Variants in ABCC9 observed in about 807,000 individuals in gnomAD.
ABCC9 encodes the protein ATP-binding cassette sub-family C member 9.
A neutral mutation model predicts 188.3 loss-of-function variants in ABCC9; 95 were observed. The ratio of observed to expected loss-of-function variants is 0.50; its 90% CI spans 0.43 to 0.60. The LOEUF (loss-of-function observed/expected upper bound fraction) is 0.60. ABCC9 is among the 20% of genes least tolerant of loss of function. The pLI, the probability that ABCC9 is intolerant of heterozygous loss-of-function variation, is 0.00. For synonymous variants in ABCC9, 659 were observed against 652.7 expected, an observed-to-expected ratio of 1.01 and a Z score of -0.15; for missense variants, 1,102 against 1,876.3, an observed-to-expected ratio of 0.59 and a Z score of 7.62.
At chr12:21,909,902 C>T (rs749670373) in intron 10 of ABCC9, among the ~76,000 whole-genome samples, 15 of 151,850 alleles carry the variant, frequency 9.9e-5, no homozygotes, top group Non-Finnish European at 2.1e-4. Context: ...GTTAAGAAAA[C>T]TAGGGCTTTG....
intron 12 of ABCC9, among the ~76,000 whole-genome samples, chr12:21,904,368 G>A (rs1340363216): frequency 2.0e-5 from 3 of 152,134 alleles, no homozygotes; most frequent in Non-Finnish European, 4.4e-5. Context: ...ATTGGCATGG[G>A]CAAGGACTTC....
intron 9 of ABCC9, 65 bp downstream of exon 9, chr12:21,910,757 CGCTA>C: frequency 7.1e-7 from 1 of 1,412,252 alleles, no homozygotes; most frequent in Non-Finnish European, 9.9e-7. Flanking sequence ...CTGAAGCTAC[CGCTA>C]TTCTTTTCAC....
intron 15 of ABCC9, among the ~76,000 whole-genome samples, chr12:21,885,329 G>A (rs2137673090): frequency 6.6e-6 from 1 of 152,292 alleles, no homozygotes; most frequent in African/African-American, 2.4e-5. Context: ...ACATCAAGAA[G>A]TCCAGTCTGG....
intron 15 of ABCC9, among the ~76,000 whole-genome samples, chr12:21,886,324 C>T (rs940987782): frequency 1.2e-4 from 19 of 152,052 alleles, no homozygotes; most frequent in Non-Finnish European, 2.5e-4. Context: ...ATCATCTACC[C>T]AGAAGTCAAG....
chr12:21,923,493 C>T, intron 5 of ABCC9: 1 of 214,656 alleles, frequency 4.7e-6, no homozygotes, highest in East Asian at 9.5e-5. Flanking sequence ...ATAGCCACAT[C>T]CCAAAGATTA....
chr12:21,872,565 T>G (rs1946134197), intron 18 of ABCC9, 60 bp downstream of exon 18: 3 of 1,309,328 alleles, frequency 2.3e-6, no homozygotes, highest in Middle Eastern at 1.8e-4. Flanking sequence ...CTAAGTTCTT[T>G]CCTTGGAAGA....
rs1449985787 is a variant in ABCC9 at position 21,797,789 on chromosome 12, C to T, written c.*3255G>A. On this transcript the variant is annotated 3_prime_UTR_variant, in exon 40 of 40. Coordinates refer to ENST00000261200, the MANE Select transcript of ABCC9 (RefSeq NM_020297.4). Reference sequence around the variant, plus strand: ...TAATTGTTTATACAAAGTCTTTTCCCTGTCAATGACATAAGTAACCCTGGT... The same window carrying T: ...TAATTGTTTATACAAAGTCTTTTCCTTGTCAATGACATAAGTAACCCTGGT... 1 of 152,132 alleles carries T rather than the reference C, an allele frequency of 6.6e-6. No individual in the cohort carries two copies. Among genetic ancestry groups the T allele is most frequent in the Non-Finnish European group, 1.5e-5 (1 of 68,028 alleles). 9.4% of individuals were successfully genotyped at this position (152,132 alleles called of 1,614,324 possible).
At chr12:21,828,824 G>T in intron 31 of ABCC9, 134 bp downstream of exon 31, 2 of 764,878 alleles carry the variant, frequency 2.6e-6, no homozygotes, top group Non-Finnish European at 2.3e-6. Flanking sequence ...ACAAACCTGA[G>T]CTATTTTAAA....
At chr12:21,914,900 CTTTTT>C (rs377103461) in intron 7 of ABCC9, among the ~76,000 whole-genome samples, 3 of 134,998 alleles carry the variant, frequency 2.2e-5, no homozygotes, top group African/African-American at 2.7e-5. Flanking sequence ...GCTTTGTGTC[CTTTTT>C]TTTTTTTTTT....
In ABCC9 at chr12:21,797,995, T is replaced by C. The variant is rs187601904; in HGVS notation, c.*3049A>G. 43 of 152,332 alleles carry C rather than the reference T, an allele frequency of 2.8e-4. No individual in the cohort carries two copies. In the East Asian group the frequency reaches 7.3e-3, roughly 26 times the overall value. The allele number at this position is 152,332 out of a possible 1,614,324, so 9.4% of individuals were successfully genotyped here. ...AATATTATTTCAAGGTGAATCTTTT[T>C]ATATTCAATAGATTATATGTATAAT... On this transcript the variant is annotated 3_prime_UTR_variant, in exon 40 of 40. Transcript: ENST00000261200.
At chr12:21,906,941 A>G (rs1230475408) in intron 11 of ABCC9, among the ~76,000 whole-genome samples, 4 of 152,092 alleles carry the variant, frequency 2.6e-5, no homozygotes. Context: ...CATTTTAGCC[A>G]GCTGTTTCAG....
intron 25 of ABCC9, among the ~76,000 whole-genome samples, chr12:21,846,405 G>T (rs1944672720): frequency 6.6e-6 from 1 of 152,186 alleles, no homozygotes; most frequent in African/African-American, 2.4e-5. Flanking sequence ...CACTGCTAAA[G>T]CAGGCTTTGC....
chr12:21,853,435 G>C (rs704185), intron 22 of ABCC9, among the ~76,000 whole-genome samples: 92,291 of 151,878 alleles, frequency 0.61, 28,540 homozygotes, highest in East Asian at 0.73. Flanking sequence ...TAGTATGGTA[G>C]TGGGTATATA....
Position 21,839,772 on chromosome 12 carries a change from T to C in ABCC9, c.3474-1602A>G, listed in dbSNP as rs577689761. Among the ~76,000 whole-genome samples, 7 of 152,336 alleles carry C rather than the reference T, an allele frequency of 4.6e-5. No individual in the cohort carries two copies. The South Asian group carries it at 1.0e-3, about 23-fold the overall frequency. ...TCCATAATCTTCAACAATTAACTTA[T>C]GCCATTCCTGGCTGCCAGTGTAGTC... On this transcript the variant is annotated intron_variant, in intron 29 of 39. Coordinates refer to ENST00000261200, the MANE Select transcript of ABCC9 (RefSeq NM_020297.4).
At chr12:21,850,610 G>T (rs4148674) in intron 24 of ABCC9, among the ~76,000 whole-genome samples, 2 of 151,904 alleles carry the variant, frequency 1.3e-5, no homozygotes, top group Admixed American at 1.3e-4. Context: ...ACAACTTAAT[G>T]GACTTTCTTC....
chr12:21,852,171 T>C lies in ABCC9; in HGVS notation c.2695A>G (p.Ile899Val). 1 of 1,613,822 alleles carries C rather than the reference T, an allele frequency of 6.2e-7. No individual in the cohort carries two copies. Among genetic ancestry groups the C allele is most frequent in the Non-Finnish European group, 8.5e-7 (1 of 1,179,892 alleles). ...SVLREGTLKD[I>V]QTKDVELYEH... ...TAAAGCTCAACATCTTTGGTTTGAA[T>C]GTCCTTCAAAGTTCCTTCTCTTAGG... is the stretch of plus-strand genomic sequence containing the variant. Residue 899 changes from isoleucine (I) to valine (V), a missense_variant, in exon 24 of 40, where the codon ATT becomes GTT. Around this residue, in one of 12 missense-constraint regions of ABCC9, gnomAD observed 131 missense variants for 170.2 expected, o/e 0.77. Transcript: ENST00000261200.
At chr12:21,816,010 G>C in intron 33 of ABCC9, 117 bp from the exon 34 acceptor site, 2 of 222,518 alleles carry the variant, frequency 9.0e-6, no homozygotes, top group Non-Finnish European at 7.2e-6. Flanking sequence ...TAAATTTAAA[G>C]TAATACTGAA....
At chr12:21,885,592 A>G (rs1371518800) in intron 15 of ABCC9, among the ~76,000 whole-genome samples, 1 of 152,096 alleles carries the variant, frequency 6.6e-6, no homozygotes, top group African/African-American at 2.4e-5. Context: ...ACTGGTTCTA[A>G]TCAAATATTT....
chr12:21,846,052 C>T (rs1367340958), intron 25 of ABCC9, among the ~76,000 whole-genome samples: 12 of 152,148 alleles, frequency 7.9e-5, no homozygotes, highest in Admixed American at 7.9e-4. Flanking sequence ...AAATCTACAT[C>T]TGGATGAGAC....
Sources: gnomAD v4.1 joint callset for allele counts (sites outside exome capture counted in the v4.1 genomes callset) on GRCh38, gnomAD v4.1.1 for gene constraint, gnomAD v4.1.1 regional missense constraint, MANE v1.5 for transcripts, NCBI Gene and HGNC (gene_info 2026-07-23, HGNC 2026-07-21) for gene names.